The following TMEM135 variants were observed in gnomAD, a reference collection of about 807,000 sequenced individuals.
The protein encoded by TMEM135 is transmembrane protein 135, also known as peroxisomal membrane protein 52.
Under a neutral mutation model 60.3 loss-of-function variants are expected in TMEM135, and 30 were observed. The observed-to-expected ratio is 0.50, with a 90% CI of 0.37 to 0.68. The LOEUF is 0.68. Among genes scored for constraint, TMEM135 ranks in the 30% least tolerant of loss-of-function variants. The probability of loss-of-function intolerance (pLI) is 0.00; values close to 1 mark genes in which losing one functional copy is unlikely to be tolerated. For missense variants in TMEM135, 468 were observed against 548.8 expected (o/e 0.85, Z 1.47); for synonymous variants, 190 against 186.7 (o/e 1.02, Z -0.14).
chr11:87,313,115 T>G (rs1942669372), intron 10 of TMEM135, among the ~76,000 whole-genome samples: 1 of 151,860 alleles, frequency 6.6e-6, no homozygotes, highest in African/African-American at 2.4e-5. Context: ...TTTTTGTTCT[T>G]GTTAAAATGG....
At chr11:87,198,887 A>G (rs1467671348) in intron 5 of TMEM135, among the ~76,000 whole-genome samples, 1 of 148,124 alleles carries the variant, frequency 6.8e-6, no homozygotes, top group Non-Finnish European at 1.5e-5. Flanking sequence ...ATTGTCTTCT[A>G]TGTCTTTTTT....
chr11:87,196,799 A>G (rs1939969370), intron 5 of TMEM135, among the ~76,000 whole-genome samples: 1 of 152,162 alleles, frequency 6.6e-6, no homozygotes, highest in Non-Finnish European at 1.5e-5. Context: ...TAATCTTCCA[A>G]GTGGGATAAT....
At chr11:87,259,057 G>T in intron 6 of TMEM135, 2 of 1,348,928 alleles carry the variant, frequency 1.5e-6, no homozygotes, top group Non-Finnish European at 2.1e-6. Flanking sequence ...CATTTTGTGA[G>T]CCACAAAGAG....
At chr11:87,171,271 T>C (rs533927164) in intron 5 of TMEM135, among the ~76,000 whole-genome samples, 10 of 152,100 alleles carry the variant, frequency 6.6e-5, no homozygotes, top group Non-Finnish European at 1.0e-4. Context: ...TCAAAACAAC[T>C]TTCCATTTTT....
At chr11:87,123,016 C>A (rs1937627772) in intron 4 of TMEM135, among the ~76,000 whole-genome samples, 1 of 152,210 alleles carries the variant, frequency 6.6e-6, no homozygotes, top group Non-Finnish European at 1.5e-5. Flanking sequence ...TGAAAACATA[C>A]ATAGACAATG....
chr11:87,205,034 G>A (rs540188), intron 5 of TMEM135, among the ~76,000 whole-genome samples: 146,260 of 152,312 alleles, frequency 0.96, 70,285 homozygotes, highest in East Asian at 1. Flanking sequence ...TTTAAAATTA[G>A]TGCTTTATTG....
At chr11:87,206,462 GTACA>G in intron 5 of TMEM135, among the ~76,000 whole-genome samples, 1 of 151,746 alleles carries the variant, frequency 6.6e-6, no homozygotes, top group East Asian at 1.9e-4. Context: ...CTATTACATG[GTACA>G]AATTACTTCC....
chr11:87,219,528 C>A (rs758555601), intron 5 of TMEM135, among the ~76,000 whole-genome samples: 12 of 152,078 alleles, frequency 7.9e-5, no homozygotes, highest in African/African-American at 1.4e-4. Flanking sequence ...GAGCAAGGAG[C>A]AAGCATGTGA....
chr11:87,179,559 T>C (rs981055528), intron 5 of TMEM135, among the ~76,000 whole-genome samples: 2 of 152,226 alleles, frequency 1.3e-5, no homozygotes, highest in African/African-American at 4.8e-5. Context: ...TCTCTTCAGA[T>C]CATATAAGTC....
intron 5 of TMEM135, among the ~76,000 whole-genome samples, chr11:87,192,072 C>T (rs1329440583): frequency 1.3e-5 from 2 of 148,282 alleles, no homozygotes; most frequent in African/African-American, 5.0e-5. Context: ...ACCTCCACCT[C>T]CTGGGATCAA....
intron 5 of TMEM135, among the ~76,000 whole-genome samples, chr11:87,183,410 G>T (rs1381679236): frequency 2.6e-5 from 4 of 151,260 alleles, no homozygotes; most frequent in African/African-American, 9.7e-5. Flanking sequence ...CCAAGTGTGG[G>T]GATTACAGGT....
chr11:87,221,673 A>G (rs953908636), intron 5 of TMEM135, among the ~76,000 whole-genome samples: 4 of 152,202 alleles, frequency 2.6e-5, no homozygotes, highest in Admixed American at 2.0e-4. Flanking sequence ...CGTCTGGTCT[A>G]TAAATTTCTT....
intron 7 of TMEM135, among the ~76,000 whole-genome samples, chr11:87,297,412 CTAAT>C (rs1369290258): frequency 6.6e-6 from 1 of 152,104 alleles, no homozygotes; most frequent in Non-Finnish European, 1.5e-5. Context: ...ATACACAACA[CTAAT>C]TACTGTTATT....
intron 1 of TMEM135, among the ~76,000 whole-genome samples, chr11:87,057,980 T>C (rs1167088379): frequency 1.3e-5 from 2 of 152,172 alleles, no homozygotes; most frequent in African/African-American, 2.4e-5. Flanking sequence ...AGTTCCAGTC[T>C]GGAAGCCAGC....
At chr11:87,096,691 A>G (rs1461052841) in intron 4 of TMEM135, 3 of 152,186 alleles carry the variant, frequency 2.0e-5, no homozygotes, top group South Asian at 2.1e-4. Context: ...GTTATGTTGC[A>G]TTTATAATAA....
At chr11:87,215,873 C>T (rs1403265916) in intron 5 of TMEM135, among the ~76,000 whole-genome samples, 1 of 152,138 alleles carries the variant, frequency 6.6e-6, no homozygotes, top group Non-Finnish European at 1.5e-5. Flanking sequence ...CCTGTTTTCC[C>T]TCTCCCTTCT....
At chr11:87,196,379 T>A (rs1275235065) in intron 5 of TMEM135, among the ~76,000 whole-genome samples, 3 of 151,890 alleles carry the variant, frequency 2.0e-5, no homozygotes, top group South Asian at 2.1e-4. Flanking sequence ...TAACACATTT[T>A]AAAAAAAATT....
At chr11:87,065,698 T>G (rs578211842) in intron 1 of TMEM135, among the ~76,000 whole-genome samples, 1 of 152,346 alleles carries the variant, frequency 6.6e-6, no homozygotes, top group South Asian at 2.1e-4. Context: ...TTTTCTCTTT[T>G]GTGAGTTGTG....
chr11:87,082,273 G>A (rs922519258), intron 3 of TMEM135, among the ~76,000 whole-genome samples: 3 of 152,062 alleles, frequency 2.0e-5, no homozygotes, highest in African/African-American at 7.2e-5. Flanking sequence ...TGGAATTTGC[G>A]AGTTACTTTA....
Sources: gnomAD v4.1 joint callset for allele counts (sites outside exome capture counted in the v4.1 genomes callset) on GRCh38, gnomAD v4.1.1 for gene constraint, MANE v1.5 for transcripts, NCBI Gene and HGNC (gene_info 2026-07-23, HGNC 2026-07-21) for gene names.